Variants in ATRN observed in about 807,000 individuals in gnomAD.
The protein encoded by ATRN is attractin-2.
A neutral mutation model predicts 178.7 loss-of-function variants in ATRN; 54 were observed. The observed-to-expected ratio is 0.30, with a 90% CI of 0.24 to 0.38. The LOEUF is 0.38. ATRN is among the 10% of genes least tolerant of loss of function. The pLI is 1.00. For missense variants in ATRN, 1,443 were observed against 1,815.1 expected (o/e 0.79, Z 3.73); for synonymous variants, 636 against 663.0 (o/e 0.96, Z 0.63).
chr20:3,589,128 G>A (rs780101527), intron 18 of ATRN, among the ~76,000 whole-genome samples: 8 of 151,574 alleles, frequency 5.3e-5, no homozygotes, highest in Middle Eastern at 3.4e-3. Flanking sequence ...GACTACAGGC[G>A]CACGCCACCA....
rs1284984355 is a variant in ATRN, at chr20:3,638,221, C to T, written c.3943-607C>T. Among the ~76,000 whole-genome samples the T allele has an allele frequency of 6.6e-6, 1 of 152,110 alleles. No individual in the cohort carries two copies. Among genetic ancestry groups the T allele is most frequent in the Non-Finnish European group, 1.5e-5 (1 of 68,032 alleles). ...GTGGTGGTTTGCCGCACCTATCAGC[C>T]TGTTATCTAGGTTTTAAGCCCTGCA... On this transcript the variant is annotated intron_variant, in intron 26 of 28. Transcript: ENST00000262919. The surrounding 1 kb of genome is among the most constrained non-coding windows in gnomAD (Gnocchi z 4.5).
chr20:3,625,849 C>A lies in ATRN; in HGVS notation c.3863+1277C>A, dbSNP rs1352145242. Among the ~76,000 whole-genome samples the A allele has an allele frequency of 5.9e-5, 9 of 152,248 alleles. No individual in the cohort carries two copies. In the East Asian group the frequency reaches 1.3e-3, roughly 23 times the overall value. On this transcript the variant is annotated intron_variant, in intron 25 of 28. Coordinates refer to ENST00000262919, the MANE Select transcript of ATRN (RefSeq NM_139321.3). Reference sequence around the variant, plus strand: ...TTCCCTCTTTTTACTGGAGCACATTCTCTAGATTTATGAGAAAAGATGCCT... The same window carrying A: ...TTCCCTCTTTTTACTGGAGCACATTATCTAGATTTATGAGAAAAGATGCCT...
At chr20:3,613,482 A>C (rs2086794674) in intron 24 of ATRN, among the ~76,000 whole-genome samples, 1 of 152,188 alleles carries the variant, frequency 6.6e-6, no homozygotes, top group Admixed American at 6.5e-5. Context: ...TTTTCCCCAG[A>C]GACTTAGCTT....
intron 1 of ATRN, among the ~76,000 whole-genome samples, chr20:3,533,935 G>C (rs1008007544): frequency 2.6e-5 from 4 of 152,120 alleles, no homozygotes; most frequent in Non-Finnish European, 5.9e-5. Flanking sequence ...GTGATTTCAG[G>C]CAAGAGCCAC....
At chr20:3,471,903 C>T (rs975704265) in intron 1 of ATRN, among the ~76,000 whole-genome samples, 11 of 152,164 alleles carry the variant, frequency 7.2e-5, no homozygotes, top group Admixed American at 2.0e-4. Context: ...TTTTAACATC[C>T]ACATGTGCCC....
At chr20:3,506,435 C>T (rs1054878116) in intron 1 of ATRN, among the ~76,000 whole-genome samples, 1 of 151,962 alleles carries the variant, frequency 6.6e-6, no homozygotes, top group African/African-American at 2.4e-5. Context: ...ACCAGCCTGG[C>T]CAACATGGTG....
chr20:3,634,595 T>G (rs2087012387), intron 26 of ATRN, among the ~76,000 whole-genome samples: 1 of 152,216 alleles, frequency 6.6e-6, no homozygotes, highest in African/African-American at 2.4e-5. Flanking sequence ...GTGTAATTAG[T>G]TCTGCACCAC....
intron 11 of ATRN, among the ~76,000 whole-genome samples, chr20:3,567,777 C>A (rs1223854704): frequency 6.6e-6 from 1 of 152,062 alleles, no homozygotes; most frequent in African/African-American, 2.4e-5. Context: ...CATACCAAGG[C>A]GGCAGGAGAT....
At chr20:3,478,664 T>C (rs1340198417) in intron 1 of ATRN, among the ~76,000 whole-genome samples, 2 of 152,112 alleles carry the variant, frequency 1.3e-5, no homozygotes, top group Admixed American at 1.3e-4. Flanking sequence ...TGCACATATA[T>C]CCCAGAACTT....
rs1423859127 is a variant in ATRN, at chr20:3,545,796, A to T, written c.643A>T (p.Thr215Ser). The stretch of plus-strand genomic sequence containing the variant: ...TGTTCCTGAGAGAGATGGCAATGAG[A>T]CTGTCCCTGAGGTTGTTGCCACATC... ...LIVPERDGNE[T>S]VPEVVATSGY... Residue 215 changes from threonine to serine, a missense_variant, in exon 4 of 29, where the codon ACT becomes TCT. Coordinates refer to ENST00000262919, the MANE Select transcript of ATRN (RefSeq NM_139321.3). 7 of 1,613,918 alleles carry T rather than the reference A, an allele frequency of 4.3e-6. No homozygotes were observed. Among genetic ancestry groups the T allele is most frequent in the Non-Finnish European group, 5.9e-6 (7 of 1,179,958 alleles).
chr20:3,646,519 G>A (rs73893061), intron 28 of ATRN, among the ~76,000 whole-genome samples: 84 of 152,340 alleles, frequency 5.5e-4, no homozygotes, highest in African/African-American at 2.0e-3. Context: ...CGTTTACCCA[G>A]ATGGAGGGGA....
At chr20:3,487,584 A>C (rs1389269556) in intron 1 of ATRN, among the ~76,000 whole-genome samples, 1 of 152,174 alleles carries the variant, frequency 6.6e-6, no homozygotes, top group East Asian at 1.9e-4. Flanking sequence ...ATTTTTGTTC[A>C]TGGTACATTG....
intron 1 of ATRN, chr20:3,489,985 A>G (rs1307127396): frequency 4.0e-6 from 4 of 989,646 alleles, no homozygotes; most frequent in Admixed American, 1.7e-5. Context: ...GCTTGCTTGC[A>G]CTGTGCATTT....
At chr20:3,549,965 A>G (rs76443601) in intron 6 of ATRN, among the ~76,000 whole-genome samples, 7,151 of 152,310 alleles carry the variant, frequency 0.047, 178 homozygotes, top group Non-Finnish European at 0.056. Context: ...ATCCCCCCAA[A>G]CATAGTCATT....
At chr20:3,502,875 G>A (rs2084983583) in intron 1 of ATRN, among the ~76,000 whole-genome samples, 1 of 152,212 alleles carries the variant, frequency 6.6e-6, no homozygotes, top group Admixed American at 6.5e-5. Flanking sequence ...ATGTGGGCCT[G>A]AGCCTTTTCT....
chr20:3,578,469 C>T (rs1442616470), intron 14 of ATRN, 113 bp from the exon 15 acceptor site: 1 of 911,236 alleles, frequency 1.1e-6, no homozygotes, highest in Non-Finnish European at 1.6e-6. Context: ...TAATGAAGTA[C>T]CTAGAATTTA....
rs1447300176 is a variant in ATRN at position 3,589,289 on chromosome 20, C to T, written c.3185-1880C>T. Among the ~76,000 whole-genome samples the T allele has an allele frequency of 2.6e-5, 4 of 152,102 alleles. No individual in the cohort carries two copies. In the South Asian group the frequency reaches 6.2e-4, roughly 24 times the overall value. ...CTGGGATTACAGGCGTGAGCCACCA[C>T]GCCCGGCCAGTTCATAGTATTTTCT... On this transcript the variant is annotated intron_variant, in intron 18 of 28. Transcript: ENST00000262919.
chr20:3,562,334 C>A lies in ATRN; in HGVS notation c.1506C>A (p.Gly502=), dbSNP rs772896328. Residue 502 remains glycine (G), a synonymous_variant, in exon 9 of 29, where the codon GGC becomes GGA. Transcript: ENST00000262919. ...GTGCCCTTGTGCAAGGGGGTTACGGCCATAGCAGTGTTTACGACCATAGGA... is the reference window on the plus strand; with the variant it reads ...GTGCCCTTGTGCAAGGGGGTTACGGACATAGCAGTGTTTACGACCATAGGA... ...TQGALVQGGY[G]HSSVYDHRTR... is the part of the protein sequence containing the mutation. The A allele has an allele frequency of 1.9e-6, 3 of 1,614,040 alleles. No homozygotes were observed. Among genetic ancestry groups the A allele is most frequent in the Non-Finnish European group, 2.5e-6 (3 of 1,179,988 alleles).
intron 1 of ATRN, among the ~76,000 whole-genome samples, chr20:3,491,295 A>G (rs2084790739): frequency 6.6e-6 from 1 of 152,114 alleles, no homozygotes; most frequent in Non-Finnish European, 1.5e-5. Context: ...CAATTTTCTC[A>G]TTAACTTATG....
Sources: allele counts gnomAD v4.1 joint callset (sites outside exome capture counted in the v4.1 genomes callset), GRCh38; gene constraint gnomAD v4.1.1; non-coding constraint Gnocchi (gnomAD v3.1); transcripts MANE v1.5; gene names NCBI Gene and HGNC (gene_info 2026-07-23, HGNC 2026-07-21).